The following SELPLG variants were observed in gnomAD, a reference collection of about 807,000 sequenced individuals.
The protein encoded by SELPLG is selectin P ligand, also known as P-selectin glycoprotein ligand 1.
Under a neutral mutation model 1.1 loss-of-function variants are expected in SELPLG, and 2 were observed. The observed-to-expected ratio is 1.82, with a 90% confidence interval of 0.74 to 5.71. The LOEUF (loss-of-function observed/expected upper bound fraction) is 5.71, where lower values mean the gene tolerates loss of function less well. Ranked by LOEUF, SELPLG falls within the 30% of genes most tolerant of loss-of-function variation. The pLI, the probability that SELPLG is intolerant of heterozygous loss-of-function variation, is 0.05. For synonymous variants in SELPLG, 230 were observed against 221.2 expected, an observed-to-expected ratio of 1.04 and a Z score of -0.35; for missense variants, 478 against 524.7, an observed-to-expected ratio of 0.91 and a Z score of 0.87.
intron 1 of SELPLG, among the ~76,000 whole-genome samples, chr12:108,627,069 A>C (rs1204980005): frequency 6.6e-6 from 1 of 152,032 alleles, no homozygotes; most frequent in East Asian, 1.9e-4. Context: ...ACACCACTGC[A>C]CTCCAGTCTG....
chr12:108,623,618 C>T lies in SELPLG; in HGVS notation c.690G>A (p.Glu230=), dbSNP rs1592817525. The change falls in exon 2 of 2, where the codon GAG becomes GAA. Residue 230 remains glutamate, a synonymous_variant. Transcript: ENST00000550948. ...EAQTTQTTAM[E]AQTTAPEATE... ...TGGCTTCTGGTGCAGTGGTCTGTGC[C>T]TCCATGGCTGTGGTTTGAGTGGTCT... 6.2e-7 allele frequency: 1 copy of T among 1,609,472 alleles called. No homozygotes were observed. The highest frequency in any genetic ancestry group is 1.1e-5 in the South Asian group (1 of 90,516).
At chr12:108,632,497 A>G (rs1345189678) in intron 1 of SELPLG, among the ~76,000 whole-genome samples, 1 of 151,852 alleles carries the variant, frequency 6.6e-6, no homozygotes, top group Middle Eastern at 3.2e-3. Flanking sequence ...TATCTCAAAT[A>G]CAAACTAATA....
At position 108,623,966 on chromosome 12, in the gene SELPLG, CG is replaced by C; in HGVS notation, c.341del (p.Thr114ArgfsTer43). On this transcript the variant is annotated frameshift_variant, in exon 2 of 2. Coordinates refer to ENST00000550948, the MANE Select transcript of SELPLG (RefSeq NM_003006.4). LOFTEE classifies it low-confidence loss of function (END_TRUNC). Reference protein sequence around the residue: ...TELANMGNLSTDSAAMEIQTT... With the variant: ...TELANMGNLSXDSAAMEIQTT... Reference sequence around the variant, plus strand: ...TCTGTATCTCCATAGCTGCTGAATCCGTGGACAGGTTCCCCATGTTGGCCAG... The same window carrying C: ...TCTGTATCTCCATAGCTGCTGAATCCTGGACAGGTTCCCCATGTTGGCCAG... 6.2e-7 allele frequency: 1 copy of C among 1,614,178 alleles called. No homozygotes were observed. The highest frequency in any genetic ancestry group is 8.5e-7 in the Non-Finnish European group (1 of 1,180,026).
At chr12:108,627,250 G>C (rs1375700143) in intron 1 of SELPLG, among the ~76,000 whole-genome samples, 3 of 152,246 alleles carry the variant, frequency 2.0e-5, no homozygotes, top group Non-Finnish European at 4.4e-5. Flanking sequence ...CAGCTGGTGA[G>C]AGGTCAAGAT....
At chr12:108,632,704 C>T (rs535887118) in intron 1 of SELPLG, among the ~76,000 whole-genome samples, 1 of 151,844 alleles carries the variant, frequency 6.6e-6, no homozygotes, top group Non-Finnish European at 1.5e-5. Flanking sequence ...TTGGTAGAGA[C>T]GAGGTTTCAC....
At position 108,623,799 on chromosome 12, in the gene SELPLG, T is replaced by C. The variant is rs1462504097; in HGVS notation, c.509A>G (p.Glu170Gly). The C allele has an allele frequency of 1.2e-6, 2 of 1,613,686 alleles. No homozygotes were observed. Among genetic ancestry groups the C allele is most frequent in the East Asian group, 4.5e-5 (2 of 44,860 alleles). The change falls in exon 2 of 2, where the codon GAG becomes GGG. Residue 170 changes from glutamate to glycine, a missense_variant. Physicochemically the swap from Glu to Gly is moderately conservative, Grantham distance 98 (BLOSUM62 -2). Coordinates refer to ENST00000550948, the MANE Select transcript of SELPLG (RefSeq NM_003006.4). Reference protein sequence around the residue: ...EAQTTPLAATEAQTTPPAATE... With the variant: ...EAQTTPLAATGAQTTPPAATE... ...GGCTGCTGGTGGAGTGGTCTGTGCC[T>C]CTGTGGCTGCCAGTGGAGTGGTCTG...
At position 108,623,247 on chromosome 12, in the gene SELPLG, A is replaced by G. The variant is rs1305337583; in HGVS notation, c.1061T>C (p.Val354Ala). 2 of 1,613,390 alleles carry G rather than the reference A, an allele frequency of 1.2e-6. No homozygotes were observed. The highest frequency in any genetic ancestry group is 1.7e-6 in the Non-Finnish European group (2 of 1,179,672). The change falls in exon 2 of 2, where the codon GTG (valine) becomes GCG (alanine). Residue 354 changes from valine (V) to alanine (A), a missense_variant. By Grantham distance (64) the Val-to-Ala change is moderately conservative. Transcript: ENST00000550948. ...RLSRKGHMYP[V>A]RNYSPTEMVC... ...CATCTCGGTGGGGGAGTAATTACGC[A>G]CGGGGTACATGTGGCCCTTGCGGGA...
In SELPLG at chr12:108,623,154, G is replaced by A; in HGVS notation, c.1154C>T (p.Ser385Phe). 1.2e-6 allele frequency: 2 copies of A among 1,611,824 alleles called. No individual in the cohort carries two copies. The highest frequency in any genetic ancestry group is 2.7e-5 in the African/African-American group (2 of 75,012). The change falls in exon 2 of 2, where the codon TCC (serine) becomes TTC (phenylalanine). Residue 385 changes from serine (S) to phenylalanine (F), a missense_variant. Coordinates refer to ENST00000550948, the MANE Select transcript of SELPLG (RefSeq NM_003006.4). ...CGTCAGGCCCGGGCTCTTGGCCTTG[G>A]ACAGGCCCCCATTGGCTGTGGCAGA... Reference protein sequence around the residue: ...GPSATANGGLSKAKSPGLTPE... With the variant: ...GPSATANGGLFKAKSPGLTPE...
chr12:108,630,550 G>A (rs575073099), intron 1 of SELPLG, among the ~76,000 whole-genome samples: 2 of 152,196 alleles, frequency 1.3e-5, no homozygotes, highest in Non-Finnish European at 2.9e-5. Flanking sequence ...GACAGGCCCT[G>A]CCCTGCCCTG....
At chr12:108,631,201 T>A (rs375926770) in intron 1 of SELPLG, among the ~76,000 whole-genome samples, 15 of 152,348 alleles carry the variant, frequency 9.8e-5, no homozygotes, top group African/African-American at 3.4e-4. Flanking sequence ...CTACCTCAAC[T>A]CACATCAGGG....
chr12:108,629,720 AT>A (rs1053626371), intron 1 of SELPLG, among the ~76,000 whole-genome samples: 81 of 151,712 alleles, frequency 5.3e-4, no homozygotes, highest in Non-Finnish European at 1.0e-3. Context: ...AAAAAAACAT[AT>A]TTTTTTTAAT....
chr12:108,626,645 T>C (rs1282063909), intron 1 of SELPLG, among the ~76,000 whole-genome samples: 1 of 151,928 alleles, frequency 6.6e-6, no homozygotes, highest in Admixed American at 6.6e-5. Context: ...TATATGCACA[T>C]GCCACCACAT....
At position 108,623,096 on chromosome 12, in the gene SELPLG, G is replaced by T; in HGVS notation, c.1212C>A (p.Asp404Glu). 1 of 1,527,482 alleles carries T rather than the reference G, an allele frequency of 6.5e-7. No homozygotes were observed. Among genetic ancestry groups the T allele is most frequent in the South Asian group, 1.3e-5 (1 of 78,536 alleles). 94.6% of individuals were successfully genotyped at this position (1,527,482 alleles called of 1,614,324 possible). A position where few individuals can be genotyped will look rare whatever the true frequency, so the allele number is the denominator to read the frequency against. ...PEPREDREGD[D>E]LTLHSFLP ...AAGGGAGGAAGCTGTGCAGGGTGAGGTCATCCCCCTCACGGTCCTCCCTGG... is the reference window on the plus strand; with the variant it reads ...AAGGGAGGAAGCTGTGCAGGGTGAGTTCATCCCCCTCACGGTCCTCCCTGG... Residue 404 changes from aspartate to glutamate, a missense_variant, in exon 2 of 2, where the codon GAC becomes GAA. By Grantham distance (45) the Asp-to-Glu change is conservative (BLOSUM62 2). Transcript: ENST00000550948.
chr12:108,624,686 C>CTTTTTTT lies in SELPLG; in HGVS notation c.-5-375_-5-374insAAAAAAA, dbSNP rs34381191. Among the ~76,000 whole-genome samples the CTTTTTTT allele has an allele frequency of 1.4e-5, 2 of 143,002 alleles. 1 individual carries two copies. Among genetic ancestry groups the CTTTTTTT allele is most frequent in the African/African-American group, 5.4e-5 (2 of 37,226 alleles). The allele number at this position is 143,002 out of a possible 152,430, so 93.8% of individuals were successfully genotyped here. A position where few individuals can be genotyped will look rare whatever the true frequency, so the allele number is the denominator to read the frequency against. ...GTTCTATTAACTTTTCATGTCACTCCTTTTTTCTTTTTTTTTTTTTTTAGA... is the reference window on the plus strand; with the variant it reads ...GTTCTATTAACTTTTCATGTCACTCCTTTTTTTTTTTTTCTTTTTTTTTTTTTTTAGA... On this transcript the variant is annotated intron_variant, in intron 1 of 1. Coordinates refer to ENST00000550948, the MANE Select transcript of SELPLG (RefSeq NM_003006.4).
intron 1 of SELPLG, among the ~76,000 whole-genome samples, chr12:108,624,794 A>G (rs1192335674): frequency 5.4e-5 from 8 of 148,198 alleles, no homozygotes. Flanking sequence ...GGTTCAAGTG[A>G]TTCTCCTGTC....
rs141004222 is a variant in SELPLG at position 108,629,697 on chromosome 12, C to A, written c.-6+4043G>T. Among the ~76,000 whole-genome samples, 210 of 152,118 alleles carry A rather than the reference C, an allele frequency of 1.4e-3. 1 individual carries two copies. Among genetic ancestry groups the A allele is most frequent in the African/African-American group, 4.9e-3 (204 of 41,492 alleles). On this transcript the variant is annotated intron_variant, in intron 1 of 1. Coordinates refer to ENST00000550948, the MANE Select transcript of SELPLG (RefSeq NM_003006.4). Reference sequence around the variant, plus strand: ...CTCCAGCCTGGGTGACAGAGTAAGACCCTGTCTCTAAGAAAAAAACATATT... The same window carrying A: ...CTCCAGCCTGGGTGACAGAGTAAGAACCTGTCTCTAAGAAAAAAACATATT...
intron 1 of SELPLG, among the ~76,000 whole-genome samples, chr12:108,628,147 C>T (rs983265973): frequency 6.6e-6 from 1 of 151,974 alleles, no homozygotes; most frequent in Non-Finnish European, 1.5e-5. Flanking sequence ...CCTATCGTCT[C>T]AGCTACTGGG....
At chr12:108,632,379 G>A (rs566345758) in intron 1 of SELPLG, among the ~76,000 whole-genome samples, 15 of 138,356 alleles carry the variant, frequency 1.1e-4, no homozygotes, top group South Asian at 9.2e-4. Flanking sequence ...CCCAGATATC[G>A]ACAATATGGG....
intron 1 of SELPLG, among the ~76,000 whole-genome samples, chr12:108,632,988 G>A (rs1162305072): frequency 6.6e-6 from 1 of 152,140 alleles, no homozygotes; most frequent in Non-Finnish European, 1.5e-5. Context: ...ATAACATGCA[G>A]CTTCAAGAGA....
Sources: gnomAD v4.1 joint callset for allele counts (sites outside exome capture counted in the v4.1 genomes callset) on GRCh38, gnomAD v4.1.1 for gene constraint, MANE v1.5 for transcripts, NCBI Gene and HGNC (gene_info 2026-07-23, HGNC 2026-07-21) for gene names.